OLA1: variants seen among roughly 807,000 people sequenced by gnomAD.
OLA1 encodes obg-like ATPase 1.
OLA1 carries 14 observed loss-of-function variants against 48.4 expected under a neutral mutation model. The observed-to-expected ratio is 0.29, with a 90% CI of 0.19 to 0.45. OLA1 has a LOEUF of 0.45. Among genes scored for constraint, OLA1 ranks in the 20% least tolerant of loss-of-function variants. OLA1 has a pLI of 1.00. For synonymous variants in OLA1, 127 were observed against 150.4 expected (o/e 0.84, Z 1.14); for missense variants, 325 against 467.1 (o/e 0.70, Z 2.80).
chr2:174,184,128 C>CTA (rs902272242), intron 4 of OLA1, among the ~76,000 whole-genome samples: 1 of 152,138 alleles, frequency 6.6e-6, no homozygotes, highest in Non-Finnish European at 1.5e-5. Flanking sequence ...TGAAAACTAA[C>CTA]ATCTATCAAA....
intron 5 of OLA1, among the ~76,000 whole-genome samples, chr2:174,138,420 T>G (rs972105889): frequency 6.6e-6 from 1 of 152,206 alleles, no homozygotes; most frequent in African/African-American, 2.4e-5. Context: ...GTCTTCTATG[T>G]GCATCGTTCA....
rs181749173 is a variant in OLA1 at position 174,104,931 on chromosome 2, G to T, written c.728+18249C>A. 1.7e-4 allele frequency among the ~76,000 whole-genome samples: 26 copies of T among 151,942 alleles called. 1 individual carries two copies. The South Asian group carries it at 4.8e-3, about 28-fold the overall frequency. On this transcript the variant is annotated intron_variant, in intron 7 of 10. Coordinates refer to ENST00000284719, the MANE Select transcript of OLA1 (RefSeq NM_013341.5). ...TAGAAAGATTCAGCAGTTCTCAATC[G>T]AGACCTTTATTCCTTCTCTGAATAA...
chr2:174,140,914 T>G (rs1355808165), intron 5 of OLA1, among the ~76,000 whole-genome samples: 1 of 152,008 alleles, frequency 6.6e-6, no homozygotes, highest in Non-Finnish European at 1.5e-5. Flanking sequence ...TTTCATTTTA[T>G]TTTATTTTTA....
chr2:174,159,257 G>T (rs913576890), intron 4 of OLA1, among the ~76,000 whole-genome samples: 1 of 152,170 alleles, frequency 6.6e-6, no homozygotes, highest in Non-Finnish European at 1.5e-5. Context: ...TATAGCATAT[G>T]AAACTAGTTT....
At chr2:174,103,385 A>G (rs1325554743) in intron 7 of OLA1, among the ~76,000 whole-genome samples, 1 of 152,210 alleles carries the variant, frequency 6.6e-6, no homozygotes, top group African/African-American at 2.4e-5. Context: ...GCCCATGCCC[A>G]TCTGTTTACA....
intron 4 of OLA1, among the ~76,000 whole-genome samples, chr2:174,143,845 T>G (rs919751913): frequency 6.9e-6 from 1 of 145,032 alleles, no homozygotes; most frequent in African/African-American, 2.6e-5. Flanking sequence ...GGCTCACACC[T>G]GTAATCCCAG....
intron 4 of OLA1, among the ~76,000 whole-genome samples, chr2:174,146,610 G>C (rs1686606464): frequency 6.6e-6 from 1 of 152,214 alleles, no homozygotes; most frequent in African/African-American, 2.4e-5. Context: ...ATGACTGAGG[G>C]AGGAGAAGAA....
intron 4 of OLA1, among the ~76,000 whole-genome samples, chr2:174,211,180 A>AACACACACACAC (rs10563036): frequency 1.3e-4 from 19 of 148,662 alleles, no homozygotes; most frequent in Non-Finnish European, 1.8e-4. Flanking sequence ...TCCTCCCCAC[A>AACACACACACAC]ACACACACAC....
chr2:174,196,849 A>C (rs547112277), intron 4 of OLA1, among the ~76,000 whole-genome samples: 1 of 152,246 alleles, frequency 6.6e-6, no homozygotes, highest in Non-Finnish European at 1.5e-5. Context: ...AGAACTCTTA[A>C]ATAGGGAAAT....
intron 4 of OLA1, among the ~76,000 whole-genome samples, chr2:174,153,585 T>G (rs1398296566): frequency 9.2e-6 from 1 of 108,838 alleles, no homozygotes; most frequent in African/African-American, 3.5e-5. Context: ...GTATTTTACT[T>G]GTACTGTAGA....
At chr2:174,173,991 C>G (rs1687363996) in intron 4 of OLA1, among the ~76,000 whole-genome samples, 1 of 145,554 alleles carries the variant, frequency 6.9e-6, no homozygotes, top group Admixed American at 7.0e-5. Flanking sequence ...GAAATTGAAT[C>G]TGAAATAAAA....
intron 4 of OLA1, among the ~76,000 whole-genome samples, chr2:174,157,249 GA>G (rs1686908317): frequency 6.6e-6 from 1 of 152,098 alleles, no homozygotes; most frequent in Non-Finnish European, 1.5e-5. Context: ...TCTGAGATAA[GA>G]AAAAGCGGAA....
rs112671944 is a variant in OLA1, at chr2:174,174,035, C to CA, written c.374-32036dup. Among the ~76,000 whole-genome samples, 527 of 135,312 alleles carry CA rather than the reference C, an allele frequency of 3.9e-3. 2 individuals are homozygous for CA. The highest frequency in any genetic ancestry group is 0.015 in the Middle Eastern group (4 of 264). 88.8% of individuals were successfully genotyped at this position (135,312 alleles called of 152,430 possible). A position where few individuals can be genotyped will look rare whatever the true frequency, so the allele number is the denominator to read the frequency against. ...ATACATACACACACACACACACACA[C>CA]AAAAAAAAAAAAAAAAACAAAAAAA... On this transcript the variant is annotated intron_variant, in intron 4 of 10. Coordinates refer to ENST00000284719, the MANE Select transcript of OLA1 (RefSeq NM_013341.5).
chr2:174,134,753 T>C (rs1686263064), intron 5 of OLA1, among the ~76,000 whole-genome samples: 1 of 152,258 alleles, frequency 6.6e-6, no homozygotes, highest in East Asian at 1.9e-4. Context: ...GTGAATTGTA[T>C]ACTTAAAATG....
At chr2:174,094,635 G>A (rs1159640656) in intron 7 of OLA1, among the ~76,000 whole-genome samples, 1 of 152,198 alleles carries the variant, frequency 6.6e-6, no homozygotes, top group African/African-American at 2.4e-5. Flanking sequence ...TACACTTATG[G>A]TCAACTGATT....
intron 4 of OLA1, among the ~76,000 whole-genome samples, chr2:174,181,407 T>G (rs993881894): frequency 6.6e-6 from 1 of 152,122 alleles, no homozygotes; most frequent in African/African-American, 2.4e-5. Flanking sequence ...GTGTTTTTCT[T>G]TTATGTTCAT....
intron 4 of OLA1, among the ~76,000 whole-genome samples, chr2:174,217,605 A>G (rs1355812604): frequency 6.6e-6 from 1 of 152,152 alleles, no homozygotes; most frequent in Non-Finnish European, 1.5e-5. Context: ...ACATATGCAT[A>G]CACCTGTGAA....
chr2:174,190,894 G>A (rs1324713202), intron 4 of OLA1, among the ~76,000 whole-genome samples: 1 of 130,616 alleles, frequency 7.7e-6, no homozygotes, highest in East Asian at 2.6e-4. Flanking sequence ...GCAGTGAGCC[G>A]AGATTGCGCC....
intron 10 of OLA1, among the ~76,000 whole-genome samples, chr2:174,076,413 T>C (rs572195597): frequency 1.1e-4 from 16 of 152,286 alleles, no homozygotes; most frequent in Admixed American, 9.8e-4. Flanking sequence ...GACTTGAGGA[T>C]CTTTTGGGGG....
Sources: allele counts gnomAD v4.1 joint callset (sites outside exome capture counted in the v4.1 genomes callset), GRCh38; gene constraint gnomAD v4.1.1; transcripts MANE v1.5; gene names NCBI Gene and HGNC (gene_info 2026-07-23, HGNC 2026-07-21).